Variants in AACS observed in about 807,000 individuals in gnomAD.
AACS encodes acetoacetate-CoA ligase.
In AACS, 69 loss-of-function variants were observed where a neutral mutation model predicts 83.1. The observed-to-expected ratio is 0.83, with a 90% CI of 0.68 to 1.01. The LOEUF (loss-of-function observed/expected upper bound fraction) is 1.01. Among genes scored for constraint, AACS ranks in the 50% least tolerant of loss-of-function variants. The probability of loss-of-function intolerance (pLI) is 0.00; values close to 1 mark genes in which losing one functional copy is unlikely to be tolerated. For synonymous variants in AACS, 333 were observed against 343.4 expected (o/e 0.97, Z 0.33); for missense variants, 866 against 882.2 (o/e 0.98, Z 0.23).
intron 4 of AACS, among the ~76,000 whole-genome samples, chr12:125,089,321 G>T (rs1014833358): frequency 2.2e-4 from 34 of 152,138 alleles, no homozygotes; most frequent in Admixed American, 6.5e-4. Context: ...CCCACTGCAG[G>T]GGGGAGAAGG....
Position 125,129,497 on chromosome 12 carries a change from C to T in AACS, c.1549+37C>T. ...AGATGCAGACAGAGCTGGCCAGCCT[C>T]TGCCTTGGCTGGGCCTTCTGTGTCT... is the stretch of plus-strand genomic sequence containing the variant. On this transcript the variant is annotated intron_variant, in intron 14 of 17. Coordinates refer to ENST00000316519, the MANE Select transcript of AACS (RefSeq NM_023928.5). The surrounding 1 kb of genome is among the most constrained non-coding windows in gnomAD (Gnocchi z 4.3). The T allele has an allele frequency of 6.2e-7, 1 of 1,603,038 alleles. No individual in the cohort carries two copies. Among genetic ancestry groups the T allele is most frequent in the Non-Finnish European group, 8.5e-7 (1 of 1,174,696 alleles).
At chr12:125,136,365 A>G (rs1957400350) in intron 16 of AACS, among the ~76,000 whole-genome samples, 2 of 152,106 alleles carry the variant, frequency 1.3e-5, no homozygotes, top group Admixed American at 1.3e-4. Flanking sequence ...TTTTATCTTG[A>G]ATTAATTTCT....
rs1330443699 is a variant in AACS, at chr12:125,065,446, C to G, written c.-139C>G. ...GGCGGCGGCCGTTCAGTCCCTTGTT[C>G]CCCGCCGCCGCCGTCGCTGACCCAG... On this transcript the variant is annotated 5_prime_UTR_variant, in exon 1 of 18. Transcript: ENST00000316519. 3.2e-6 allele frequency: 3 copies of G among 951,386 alleles called. No individual in the cohort carries two copies. The highest frequency in any genetic ancestry group is 4.3e-6 in the Non-Finnish European group (3 of 702,608). 58.9% of individuals were successfully genotyped at this position (951,386 alleles called of 1,614,324 possible). A position where few individuals can be genotyped will look rare whatever the true frequency, so the allele number is the denominator to read the frequency against.
rs1957320973 is a variant in AACS, at chr12:125,130,927, T to C, written c.1549+1467T>C. On this transcript the variant is annotated intron_variant, in intron 14 of 17. Transcript: ENST00000316519. The surrounding 1 kb of genome is among the most constrained non-coding windows in gnomAD (Gnocchi z 4.9). ...GATCAGATAATGAGATCTGAAGCTGTTTATCATGGACAAGGTGAACATAGG... is the reference window on the plus strand; with the variant it reads ...GATCAGATAATGAGATCTGAAGCTGCTTATCATGGACAAGGTGAACATAGG... 6.6e-6 allele frequency among the ~76,000 whole-genome samples: 1 copy of C among 152,154 alleles called. No homozygotes were observed.
At chr12:125,100,369 C>T (rs1205157054) in intron 5 of AACS, among the ~76,000 whole-genome samples, 3 of 152,194 alleles carry the variant, frequency 2.0e-5, no homozygotes, top group African/African-American at 7.2e-5. Context: ...TCCCTGGCTA[C>T]CTAATTTTGA....
chr12:125,103,109 T>C, intron 7 of AACS, 28 bp downstream of exon 7: 1 of 1,598,306 alleles, frequency 6.3e-7, no homozygotes, highest in South Asian at 1.1e-5. Context: ...GACCCACAGG[T>C]CCGTGTGGAC....
intron 17 of AACS, chr12:125,141,028 A>T (rs1957479979): frequency 6.6e-6 from 1 of 152,264 alleles, no homozygotes; most frequent in Non-Finnish European, 1.5e-5. Context: ...GTGTGCACTG[A>T]TTCATTCACC....
intron 10 of AACS, 152 bp downstream of exon 10, chr12:125,118,917 G>T: frequency 8.3e-7 from 1 of 1,211,772 alleles, no homozygotes; most frequent in Non-Finnish European, 1.1e-6. Context: ...CAAGAGGAGG[G>T]CATGGGAGGT....
chr12:125,080,259 A>G (rs778818081), intron 3 of AACS, among the ~76,000 whole-genome samples: 8 of 152,158 alleles, frequency 5.3e-5, no homozygotes, highest in Non-Finnish European at 1.2e-4. Context: ...CTTTAACCCA[A>G]TGTCTCAGAC....
rs1473158738 is a variant in AACS, at chr12:125,097,213, G to C, written c.571-5466G>C. Among the ~76,000 whole-genome samples the C allele has an allele frequency of 6.6e-6, 1 of 152,048 alleles. No individual in the cohort carries two copies. The highest frequency in any genetic ancestry group is 1.5e-5 in the Non-Finnish European group (1 of 68,008). ...TTTGGGGCTTTCTGCAACCACCTCTGTGTAGCAGTTTAGAGCAGAAGAAGA... is the reference window on the plus strand; with the variant it reads ...TTTGGGGCTTTCTGCAACCACCTCTCTGTAGCAGTTTAGAGCAGAAGAAGA... On this transcript the variant is annotated intron_variant, in intron 5 of 17. Transcript: ENST00000316519. This position sits in a 1 kb window ranked among gnomAD's most constrained non-coding sequence, Gnocchi z 4.3.
chr12:125,113,798 G>A lies in AACS; in HGVS notation c.916-679G>A, dbSNP rs1956997469. 1.3e-5 allele frequency among the ~76,000 whole-genome samples: 2 copies of A among 152,202 alleles called. No homozygotes were observed. The highest frequency in any genetic ancestry group is 4.1e-4 in the South Asian group (2 of 4,830). On this transcript the variant is annotated intron_variant, in intron 8 of 17. Transcript: ENST00000316519. The surrounding 1 kb of genome is among the most constrained non-coding windows in gnomAD (Gnocchi z 4.8). ...CTTGGGAGAACTGGGTACAGGACAG[G>A]GAGAGAGGACGGCTTTTCATAGTAT... is the stretch of plus-strand genomic sequence containing the variant.
rs528586501 is a variant in AACS at position 125,116,485 on chromosome 12, A to C, written c.996+1928A>C. On this transcript the variant is annotated intron_variant, in intron 9 of 17. Transcript: ENST00000316519. ...TTATTTTATTGTTTTATTTTTTGAG[A>C]CGGAGGCTCACTCTGTCACCCAGGC... Among the ~76,000 whole-genome samples the C allele has an allele frequency of 2.0e-5, 3 of 152,078 alleles. No homozygotes were observed. The South Asian group carries it at 6.2e-4, about 32-fold the overall frequency.
chr12:125,097,985 CA>C lies in AACS; in HGVS notation c.571-4693del, dbSNP rs1016813681. 1.3e-5 allele frequency among the ~76,000 whole-genome samples: 2 copies of C among 152,194 alleles called. No homozygotes were observed. Among genetic ancestry groups the C allele is most frequent in the Admixed American group, 6.5e-5 (1 of 15,280 alleles). On this transcript the variant is annotated intron_variant, in intron 5 of 17. Transcript: ENST00000316519. The surrounding 1 kb of genome is among the most constrained non-coding windows in gnomAD (Gnocchi z 4.3). ...GCGTGCCGTCGTAGTAGCTTCCGAC[CA>C]GTCTCATTTCTGCTTCTCTCTACTG...
In AACS at chr12:125,076,682, A is replaced by T. The variant is rs183422923; in HGVS notation, c.358+71A>T. 28 of 1,581,418 alleles carry T rather than the reference A, an allele frequency of 1.8e-5. No homozygotes were observed. The East Asian group carries it at 6.1e-4, about 34-fold the overall frequency. ...AGATGGTGCATGCATGCGGTGCCAC[A>T]TATTTGGAGAGATAGGATTTCTAAA... On this transcript the variant is annotated intron_variant, in intron 3 of 17. Transcript: ENST00000316519.
intron 8 of AACS, among the ~76,000 whole-genome samples, chr12:125,109,478 T>C (rs960540777): frequency 6.6e-6 from 1 of 152,242 alleles, no homozygotes; most frequent in Non-Finnish European, 1.5e-5. Flanking sequence ...TCAGCGTATA[T>C]ACACATGTTG....
intron 5 of AACS, among the ~76,000 whole-genome samples, chr12:125,091,725 C>A (rs970779834): frequency 1.3e-5 from 2 of 152,260 alleles, no homozygotes; most frequent in Non-Finnish European, 2.9e-5. Flanking sequence ...GACGTTCCCC[C>A]ACTCCTCGCC....
In AACS at chr12:125,107,393, C is replaced by T. The variant is rs1269145465; in HGVS notation, c.915+125C>T. The T allele has an allele frequency of 1.2e-5, 15 of 1,286,030 alleles. 2 individuals are homozygous for T. In the South Asian group the frequency reaches 1.3e-4, roughly 11 times the overall value. 79.7% of individuals were successfully genotyped at this position (1,286,030 alleles called of 1,614,324 possible). On this transcript the variant is annotated intron_variant, in intron 8 of 17. Coordinates refer to ENST00000316519, the MANE Select transcript of AACS (RefSeq NM_023928.5). ...CCCCATCCCCGGAGAGTCCAACGTG[C>T]AGCTTCTCTCCAAGTGGGGTGCTGC...
chr12:125,092,148 C>G (rs980637624), intron 5 of AACS, among the ~76,000 whole-genome samples: 4 of 152,078 alleles, frequency 2.6e-5, no homozygotes, highest in Non-Finnish European at 5.9e-5. Context: ...GCGGGTCTTC[C>G]TGGGGCCCCC....
intron 10 of AACS, chr12:125,121,811 G>C (rs1027215753): frequency 6.6e-6 from 1 of 152,392 alleles, no homozygotes; most frequent in Non-Finnish European, 1.5e-5. Context: ...AAGTGCATGG[G>C]TTGGGTAGCA....
Sources: allele counts gnomAD v4.1 joint callset (sites outside exome capture counted in the v4.1 genomes callset), GRCh38; gene constraint gnomAD v4.1.1; non-coding constraint Gnocchi (gnomAD v3.1); transcripts MANE v1.5; gene names NCBI Gene and HGNC (gene_info 2026-07-23, HGNC 2026-07-21).